Variants in ZMAT4 observed in about 807,000 individuals in gnomAD.
The protein encoded by ZMAT4 is zinc finger matrin-type 4.
Under a neutral mutation model 28.7 loss-of-function variants are expected in ZMAT4, and 17 were observed. The ratio of observed to expected loss-of-function variants is 0.59; its 90% confidence interval spans 0.41 to 0.89. The LOEUF (loss-of-function observed/expected upper bound fraction) is 0.89, where lower values mean the gene tolerates loss of function less well. Among genes scored for constraint, ZMAT4 ranks in the 40% least tolerant of loss-of-function variants. The pLI, the probability that ZMAT4 is intolerant of heterozygous loss-of-function variation, is 0.00. For synonymous variants in ZMAT4, 117 were observed against 109.2 expected (o/e 1.07, Z -0.44); for missense variants, 240 against 283.8 (o/e 0.85, Z 1.11).
intron 1 of ZMAT4, 96 bp from the exon 2 acceptor site, chr8:40,825,776 T>G: frequency 1.0e-6 from 1 of 955,518 alleles, no homozygotes; most frequent in Non-Finnish European, 1.6e-6. Flanking sequence ...CAGTAACAGG[T>G]CTGACAATGG....
chr8:40,674,608 A>T lies in ZMAT4; in HGVS notation c.577+96T>A, dbSNP rs1219591247. The stretch of plus-strand genomic sequence containing the variant: ...GGTGAGCCTCACTTTTTCCTTAATA[A>T]TTAAAGCAAGAAGAAGAATCATTCC... On this transcript the variant is annotated intron_variant, in intron 5 of 6. Coordinates refer to ENST00000297737, the MANE Select transcript of ZMAT4 (RefSeq NM_024645.3). The T allele has an allele frequency of 5.8e-6, 6 of 1,025,736 alleles. No homozygotes were observed. The Admixed American group carries it at 6.3e-5, about 11-fold the overall frequency. The allele number at this position is 1,025,736 out of a possible 1,614,324, so 63.5% of individuals were successfully genotyped here. A position where few individuals can be genotyped will look rare whatever the true frequency, so the allele number is the denominator to read the frequency against.
chr8:40,725,237 G>T (rs1262501982), intron 3 of ZMAT4, among the ~76,000 whole-genome samples: 1 of 152,170 alleles, frequency 6.6e-6, no homozygotes, highest in Non-Finnish European at 1.5e-5. Context: ...TAATTGTAAA[G>T]TGGCAGTCAG....
chr8:40,705,604 T>C (rs529717189), intron 3 of ZMAT4, among the ~76,000 whole-genome samples: 1 of 152,332 alleles, frequency 6.6e-6, no homozygotes, highest in Non-Finnish European at 1.5e-5. Flanking sequence ...AAAACATTTT[T>C]TCAAATTTAT....
At chr8:40,712,769 G>C (rs1810681349) in intron 3 of ZMAT4, among the ~76,000 whole-genome samples, 1 of 152,206 alleles carries the variant, frequency 6.6e-6, no homozygotes, top group Admixed American at 6.5e-5. Context: ...TGGAGGAACA[G>C]AGCTTTGCTA....
At chr8:40,828,170 G>C (rs1362782369) in intron 1 of ZMAT4, among the ~76,000 whole-genome samples, 8 of 152,318 alleles carry the variant, frequency 5.3e-5, no homozygotes, top group African/African-American at 1.9e-4. Flanking sequence ...CTCCATTCAT[G>C]TCCCAGAATG....
chr8:40,849,410 TC>T (rs1312280159), intron 1 of ZMAT4, among the ~76,000 whole-genome samples: 1 of 152,120 alleles, frequency 6.6e-6, no homozygotes, highest in Non-Finnish European at 1.5e-5. Flanking sequence ...CTCCCACAGA[TC>T]CAGGAAGAAA....
chr8:40,785,074 A>G (rs1814011189), intron 2 of ZMAT4, among the ~76,000 whole-genome samples: 2 of 152,352 alleles, frequency 1.3e-5, no homozygotes, highest in East Asian at 1.9e-4. Context: ...CACGCATTGC[A>G]TATTGATGCT....
intron 6 of ZMAT4, among the ~76,000 whole-genome samples, chr8:40,574,004 C>T (rs1387741692): frequency 6.6e-6 from 1 of 152,144 alleles, no homozygotes; most frequent in Non-Finnish European, 1.5e-5. Flanking sequence ...AAATCTGATA[C>T]CTCTATAATC....
chr8:40,696,452 C>A (rs766150984), intron 4 of ZMAT4, among the ~76,000 whole-genome samples: 1 of 152,156 alleles, frequency 6.6e-6, no homozygotes, highest in South Asian at 2.1e-4. Flanking sequence ...CCATGAAATA[C>A]GCCCCCAACT....
chr8:40,753,143 C>T (rs1812528819), intron 3 of ZMAT4, among the ~76,000 whole-genome samples: 1 of 142,188 alleles, frequency 7.0e-6, no homozygotes, highest in African/African-American at 2.6e-5. Context: ...CGAGTGAGAA[C>T]ATGCAGTGTT....
chr8:40,605,100 T>G (rs1443249998), intron 5 of ZMAT4, among the ~76,000 whole-genome samples: 1 of 152,168 alleles, frequency 6.6e-6, no homozygotes, highest in Non-Finnish European at 1.5e-5. Flanking sequence ...CACTAATGCT[T>G]TATCAATTTT....
intron 5 of ZMAT4, among the ~76,000 whole-genome samples, chr8:40,610,709 T>G (rs1805762858): frequency 6.6e-6 from 1 of 152,080 alleles, no homozygotes; most frequent in South Asian, 2.1e-4. Context: ...TGTTTGTACA[T>G]TTGTCATGTT....
At chr8:40,861,704 G>A (rs959255117) in intron 1 of ZMAT4, among the ~76,000 whole-genome samples, 1 of 151,886 alleles carries the variant, frequency 6.6e-6, no homozygotes, top group Non-Finnish European at 1.5e-5. Flanking sequence ...ATCTACAAAG[G>A]ACTCAAACAA....
At chr8:40,589,775 T>C (rs1804807716) in intron 5 of ZMAT4, among the ~76,000 whole-genome samples, 1 of 138,018 alleles carries the variant, frequency 7.2e-6, no homozygotes, top group African/African-American at 2.6e-5. Flanking sequence ...TCTTTCTTTC[T>C]TTCCTTTCTT....
chr8:40,556,521 G>A (rs147769629), intron 6 of ZMAT4, among the ~76,000 whole-genome samples: 200 of 152,046 alleles, frequency 1.3e-3, no homozygotes, highest in African/African-American at 4.2e-3. Flanking sequence ...CTCTTGTCCC[G>A]TTCTCCACCC....
intron 1 of ZMAT4, among the ~76,000 whole-genome samples, chr8:40,875,399 CTTG>C (rs1818006909): frequency 6.6e-6 from 1 of 152,078 alleles, no homozygotes; most frequent in Non-Finnish European, 1.5e-5. Context: ...AGCTGATAAG[CTTG>C]TTGTTGTTAC....
At chr8:40,724,701 A>G (rs991587339) in intron 3 of ZMAT4, among the ~76,000 whole-genome samples, 3 of 152,230 alleles carry the variant, frequency 2.0e-5, no homozygotes, top group Non-Finnish European at 4.4e-5. Context: ...TTTCCCTAAG[A>G]GCACTGGGGC....
intron 3 of ZMAT4, among the ~76,000 whole-genome samples, chr8:40,747,972 A>G (rs776220715): frequency 1.2e-4 from 19 of 152,218 alleles, no homozygotes; most frequent in Non-Finnish European, 2.5e-4. Flanking sequence ...TAAACGACCA[A>G]CATTGTGTCT....
chr8:40,569,969 T>G (rs139463839), intron 6 of ZMAT4, among the ~76,000 whole-genome samples: 296 of 152,332 alleles, frequency 1.9e-3, no homozygotes, highest in African/African-American at 6.6e-3. Flanking sequence ...ATTGGAACCT[T>G]GACTACTCTG....
Sources: gnomAD v4.1 joint callset for allele counts (sites outside exome capture counted in the v4.1 genomes callset) on GRCh38, gnomAD v4.1.1 for gene constraint, MANE v1.5 for transcripts, NCBI Gene and HGNC (gene_info 2026-07-23, HGNC 2026-07-21) for gene names.